WDFY4: variants seen among roughly 807,000 people sequenced by gnomAD.
The protein encoded by WDFY4 is WD repeat- and FYVE domain-containing protein 4.
In WDFY4, 169 loss-of-function variants were observed where a neutral mutation model predicts 351.9. The ratio of observed to expected loss-of-function variants is 0.48; its 90% CI spans 0.42 to 0.55. WDFY4 has a LOEUF of 0.55. WDFY4 is among the 20% of genes least tolerant of loss of function. The pLI, the probability that WDFY4 is intolerant of heterozygous loss-of-function variation, is 0.00. For synonymous variants in WDFY4, 1,622 were observed against 1,574.6 expected, an observed-to-expected ratio of 1.03 and a Z score of -0.71; for missense variants, 3,803 against 3,935.6, an observed-to-expected ratio of 0.97 and a Z score of 0.90.
At chr10:48,933,344 A>G (rs112728601) in intron 47 of WDFY4, among the ~76,000 whole-genome samples, 6 of 152,322 alleles carry the variant, frequency 3.9e-5, no homozygotes, top group African/African-American at 1.4e-4. Flanking sequence ...TGAAACACCC[A>G]GGGCCTAGTC....
intron 23 of WDFY4, 112 bp from the exon 24 acceptor site, chr10:48,796,186 G>A: frequency 3.2e-6 from 4 of 1,257,700 alleles, no homozygotes; most frequent in South Asian, 1.7e-5. Context: ...TGGAATGAAG[G>A]ATGGTAGCAG....
At chr10:48,870,724 G>A (rs983278376) in intron 40 of WDFY4, among the ~76,000 whole-genome samples, 7 of 152,276 alleles carry the variant, frequency 4.6e-5, no homozygotes, top group Admixed American at 3.9e-4. Flanking sequence ...CTTTGCAGGT[G>A]TGGAAACTCA....
rs201767968 is a variant in WDFY4, at chr10:48,941,976, TTC to T, written c.7629+130_7629+131del. 4.6e-3 allele frequency: 4,301 copies of T among 944,746 alleles called. 110 individuals carry two copies. The African/African-American group carries it at 0.064, about 14-fold the overall frequency. 58.5% of individuals were successfully genotyped at this position (944,746 alleles called of 1,614,324 possible). A position where few individuals can be genotyped will look rare whatever the true frequency, so the allele number is the denominator to read the frequency against. Reference sequence around the variant, plus strand: ...TCTTATTATTTATTATTATTATTATTTCTTTGAGATGGAGTTTCACTCTTGTT... The same window carrying T: ...TCTTATTATTTATTATTATTATTATTTTTGAGATGGAGTTTCACTCTTGTT... On this transcript the variant is annotated intron_variant, in intron 48 of 61. Coordinates refer to ENST00000325239, the MANE Select transcript of WDFY4 (RefSeq NM_001394531.1).
intron 23 of WDFY4, among the ~76,000 whole-genome samples, chr10:48,795,493 A>ATG (rs1428736685): frequency 1.4e-3 from 65 of 44,836 alleles, no homozygotes; most frequent in African/African-American, 4.9e-3. Flanking sequence ...GTGTGTCTGT[A>ATG]TATATATATA....
chr10:48,902,780 G>T (rs749879939), intron 47 of WDFY4, among the ~76,000 whole-genome samples: 2 of 151,940 alleles, frequency 1.3e-5, no homozygotes, highest in African/African-American at 2.4e-5. Flanking sequence ...CTTAGATGAG[G>T]TGGCAAGCGA....
chr10:48,865,880 T>C (rs1028624854), intron 39 of WDFY4, among the ~76,000 whole-genome samples: 4 of 152,200 alleles, frequency 2.6e-5, no homozygotes, highest in African/African-American at 9.6e-5. Context: ...TTGTTTATAG[T>C]ATTTTTTTAT....
intron 39 of WDFY4, among the ~76,000 whole-genome samples, chr10:48,844,751 C>T (rs1179843240): frequency 6.6e-6 from 1 of 152,206 alleles, no homozygotes; most frequent in Non-Finnish European, 1.5e-5. Context: ...GTCTTTTCCA[C>T]TCTGGATTTA....
chr10:48,699,720 A>G (rs2063428101), intron 1 of WDFY4, among the ~76,000 whole-genome samples: 1 of 152,216 alleles, frequency 6.6e-6, no homozygotes, highest in Non-Finnish European at 1.5e-5. Context: ...TTTGCCTGAG[A>G]CACTTTAGCC....
rs41283281 is a variant in WDFY4 at position 48,830,833 on chromosome 10, G to C, written c.6474G>C (p.Glu2158Asp). Residue 2158 changes from glutamate to aspartate, a missense_variant, in exon 38 of 62, where the codon GAG (glutamate) becomes GAC (aspartate). Coordinates refer to ENST00000325239, the MANE Select transcript of WDFY4 (RefSeq NM_001394531.1). ...GAGAGAGGGAAGTGAAGATTGAAGA[G>C]GTCACACCGCTCTGGGAGGAGACGA... ...KPGEREVKIE[E>D]VTPLWEETML... 0.065 allele frequency: 101,476 copies of C among 1,551,608 alleles called. 3,629 individuals carry two copies. Among genetic ancestry groups the C allele is most frequent in the Middle Eastern group, 0.073 (439 of 5,992 alleles).
chr10:48,788,771 C>T (rs2066581450), intron 21 of WDFY4, 96 bp downstream of exon 21: 4 of 1,465,852 alleles, frequency 2.7e-6, no homozygotes, highest in East Asian at 2.5e-5. Context: ...TTCATGTTTG[C>T]ACTTGTGTAG....
At chr10:48,981,606 C>T in intron 61 of WDFY4, 128 bp downstream of exon 61, 1 of 791,218 alleles carries the variant, frequency 1.3e-6, no homozygotes, top group Non-Finnish European at 2.0e-6. Context: ...CATGGCCCCA[C>T]CAAGCACAGG....
chr10:48,787,883 TTCTTCTTCTCCTTCTTCTTCTTCTTCTTC>T lies in WDFY4; in HGVS notation c.3809-645_3809-617del, dbSNP rs1429412442. On this transcript the variant is annotated intron_variant, in intron 20 of 61. Coordinates refer to ENST00000325239, the MANE Select transcript of WDFY4 (RefSeq NM_001394531.1). ...TTTCTTCTTCTTTCTTCTTTCTTTC[TTCTTCTTCTCCTTCTTCTTCTTCTTCTTC>T]TTCTTCTTCTTCTTCTTCTTCTTCT... Among the ~76,000 whole-genome samples, 50 of 90,060 alleles carry T rather than the reference TTCTTCTTCTCCTTCTTCTTCTTCTTCTTC, an allele frequency of 5.6e-4. 4 individuals are homozygous for T. Among genetic ancestry groups the T allele is most frequent in the Middle Eastern group, 0.012 (2 of 164 alleles). The allele number at this position is 90,060 out of a possible 152,430, so 59.1% of individuals were successfully genotyped here.
chr10:48,805,302 T>C lies in WDFY4; in HGVS notation c.4527T>C (p.Leu1509=). Residue 1509 remains leucine, a synonymous_variant, in exon 26 of 62, where the codon CTT becomes CTC. Coordinates refer to ENST00000325239, the MANE Select transcript of WDFY4 (RefSeq NM_001394531.1). ...RNAEAAHQAQ[L]IPKLIFLFNE... is the part of the protein sequence containing the mutation. ...CTGAAGCTGCCCACCAGGCACAGCT[T>C]ATACCCAAGCTCATCTTCCTATTCA... The C allele has an allele frequency of 6.5e-7, 1 of 1,547,372 alleles. No individual in the cohort carries two copies. Among genetic ancestry groups the C allele is most frequent in the Non-Finnish European group, 8.7e-7 (1 of 1,146,972 alleles).
intron 1 of WDFY4, among the ~76,000 whole-genome samples, chr10:48,695,115 G>T (rs1417627712): frequency 6.6e-6 from 1 of 152,264 alleles, no homozygotes; most frequent in African/African-American, 2.4e-5. Flanking sequence ...GACTGACACT[G>T]AGTGTGCTGG....
At chr10:48,972,715 G>A (rs1842390146) in intron 57 of WDFY4, among the ~76,000 whole-genome samples, 2 of 152,288 alleles carry the variant, frequency 1.3e-5, no homozygotes, top group Non-Finnish European at 2.9e-5. Context: ...AAACTTCGAG[G>A]AGGAGAATTA....
At chr10:48,691,316 C>A (rs116506978) in intron 1 of WDFY4, among the ~76,000 whole-genome samples, 2 of 152,142 alleles carry the variant, frequency 1.3e-5, no homozygotes, top group African/African-American at 4.8e-5. Flanking sequence ...CCTCCCAAGG[C>A]GCAGGAGCCC....
At chr10:48,816,074 CT>C (rs558709573) in intron 31 of WDFY4, among the ~76,000 whole-genome samples, 58 of 152,220 alleles carry the variant, frequency 3.8e-4, no homozygotes, top group African/African-American at 1.0e-3. Context: ...CTTGTTTAGG[CT>C]TTTAAATGTC....
intron 39 of WDFY4, among the ~76,000 whole-genome samples, chr10:48,866,306 A>T (rs1011856287): frequency 6.6e-6 from 1 of 152,098 alleles, no homozygotes; most frequent in Non-Finnish European, 1.5e-5. Flanking sequence ...ATTCATCTCA[A>T]AAAGTTCCCT....
chr10:48,790,940 A>G, intron 23 of WDFY4, 23 bp downstream of exon 23: 4 of 1,550,760 alleles, frequency 2.6e-6, no homozygotes, highest in Non-Finnish European at 3.5e-6. Flanking sequence ...TCCCACCTGG[A>G]ACTGAGACTC....
Sources: gnomAD v4.1 joint callset for allele counts (sites outside exome capture counted in the v4.1 genomes callset) on GRCh38, gnomAD v4.1.1 for gene constraint, MANE v1.5 for transcripts, NCBI Gene and HGNC (gene_info 2026-07-23, HGNC 2026-07-21) for gene names.